The following ASAP1 variants were observed in gnomAD, a reference collection of about 807,000 sequenced individuals.
The protein encoded by ASAP1 is arf-GAP with SH3 domain, ANK repeat and PH domain-containing protein 1.
Under a neutral mutation model 145.2 loss-of-function variants are expected in ASAP1, and 43 were observed. That is an observed-to-expected ratio of 0.30 (90% CI 0.23 to 0.38). The LOEUF is 0.38. Among genes scored for constraint, ASAP1 ranks in the 10% least tolerant of loss-of-function variants. The pLI is 1.00. For missense variants in ASAP1, 1,018 were observed against 1,355.3 expected (o/e 0.75, Z 3.91); for synonymous variants, 546 against 515.5 (o/e 1.06, Z -0.80).
rs564405657 is a variant in ASAP1, at chr8:130,256,205, G to C, written c.187-19211C>G. On this transcript the variant is annotated intron_variant, in intron 3 of 29. Transcript: ENST00000518721. ...AATCTTCCTGTTCGCAAGAGTTGAT[G>C]AAGTTTTCTATAAATTAAACCTTTT... Among the ~76,000 whole-genome samples the C allele has an allele frequency of 9.2e-5, 14 of 152,292 alleles. No homozygotes were observed. The South Asian group carries it at 2.9e-3, about 32-fold the overall frequency.
At chr8:130,419,957 T>TC (rs912955463) in intron 1 of ASAP1, among the ~76,000 whole-genome samples, 12 of 132,326 alleles carry the variant, frequency 9.1e-5, no homozygotes, top group African/African-American at 3.7e-4. Flanking sequence ...TTCTTCTTCT[T>TC]TTTTTTTTTT....
At chr8:130,105,639 T>C (rs34303787) in intron 24 of ASAP1, among the ~76,000 whole-genome samples, 8,627 of 152,280 alleles carry the variant, frequency 0.057, 285 homozygotes, top group Admixed American at 0.1. Flanking sequence ...CTTAAGTTAA[T>C]TACTTTAAAA....
At chr8:130,250,550 G>C (rs1186978699) in intron 3 of ASAP1, among the ~76,000 whole-genome samples, 1 of 152,154 alleles carries the variant, frequency 6.6e-6, no homozygotes, top group Non-Finnish European at 1.5e-5. Context: ...CTTCAATTAT[G>C]AGTTTAGACC....
intron 23 of ASAP1, 83 bp from the exon 24 acceptor site, chr8:130,112,405 G>T: frequency 8.3e-7 from 1 of 1,211,720 alleles, no homozygotes; most frequent in Non-Finnish European, 1.2e-6. Flanking sequence ...GCGGGCTCAG[G>T]TGGGAATCTG....
rs1586609077 is a variant in ASAP1 at position 130,214,794 on chromosome 8, T to C, written c.260-93A>G. The C allele has an allele frequency of 6.3e-6, 7 of 1,104,438 alleles. No individual in the cohort carries two copies. In the East Asian group the frequency reaches 1.7e-4, roughly 27 times the overall value. 68.4% of individuals were successfully genotyped at this position (1,104,438 alleles called of 1,614,324 possible). A position where few individuals can be genotyped will look rare whatever the true frequency, so the allele number is the denominator to read the frequency against. Reference sequence around the variant, plus strand: ...CACCGATCACTACGAATTCTCAAAATGGAAGCATAAACTGTATCAATTATT... The same window carrying C: ...CACCGATCACTACGAATTCTCAAAACGGAAGCATAAACTGTATCAATTATT... On this transcript the variant is annotated intron_variant, in intron 4 of 29. Transcript: ENST00000518721.
At chr8:130,371,455 C>T (rs1827209963) in intron 2 of ASAP1, among the ~76,000 whole-genome samples, 1 of 152,196 alleles carries the variant, frequency 6.6e-6, no homozygotes, top group Non-Finnish European at 1.5e-5. Flanking sequence ...CAGTTTGATT[C>T]GGGGCAGCAA....
intron 3 of ASAP1, among the ~76,000 whole-genome samples, chr8:130,256,640 A>C (rs926527951): frequency 6.6e-6 from 1 of 151,214 alleles, no homozygotes; most frequent in Admixed American, 6.6e-5. Flanking sequence ...TTAGAAGCTA[A>C]GTATGTAGTA....
chr8:130,387,181 TCCTAACACTCTGGATGAC>T (rs1459087888), intron 2 of ASAP1, among the ~76,000 whole-genome samples: 1 of 151,980 alleles, frequency 6.6e-6, no homozygotes, highest in African/African-American at 2.4e-5. Flanking sequence ...TCTCAGTAAA[TCCTAACACTCTGGATGAC>T]CCAGGAAGAA....
intron 3 of ASAP1, among the ~76,000 whole-genome samples, chr8:130,344,335 G>A (rs564369481): frequency 3.3e-5 from 5 of 152,150 alleles, no homozygotes; most frequent in African/African-American, 9.6e-5. Flanking sequence ...TAATGACACC[G>A]AGGAAGTGTT....
rs548953847 is a variant in ASAP1, at chr8:130,195,816, C to A, written c.406-7633G>T. Among the ~76,000 whole-genome samples, 34 of 152,304 alleles carry A rather than the reference C, an allele frequency of 2.2e-4. No homozygotes were observed. In the East Asian group the frequency reaches 6.0e-3, roughly 27 times the overall value. ...ACACTGCCAGCAGTATACAAATAGC[C>A]CGTTATCCTAGTCACTGGAGATGAC... On this transcript the variant is annotated intron_variant, in intron 5 of 29. Transcript: ENST00000518721.
intron 3 of ASAP1, among the ~76,000 whole-genome samples, chr8:130,264,720 C>A (rs1484146738): frequency 6.6e-6 from 1 of 152,102 alleles, no homozygotes; most frequent in Admixed American, 6.5e-5. Flanking sequence ...TGAATATGAA[C>A]ATGAGAAAGG....
At chr8:130,181,480 A>C (rs959315187) in intron 7 of ASAP1, among the ~76,000 whole-genome samples, 1 of 152,260 alleles carries the variant, frequency 6.6e-6, no homozygotes, top group Admixed American at 6.5e-5. Context: ...AAATAATTAA[A>C]GTATATAATG....
intron 13 of ASAP1, among the ~76,000 whole-genome samples, chr8:130,143,758 G>A (rs1389897471): frequency 2.0e-5 from 3 of 152,130 alleles, no homozygotes; most frequent in Admixed American, 6.6e-5. Flanking sequence ...AATAAACACC[G>A]CACATTTGTC....
chr8:130,290,521 C>A (rs979225140), intron 3 of ASAP1, among the ~76,000 whole-genome samples: 17 of 152,182 alleles, frequency 1.1e-4, no homozygotes, highest in African/African-American at 4.1e-4. Flanking sequence ...TGAACCAGGG[C>A]TATTATGGTG....
At chr8:130,155,638 C>T (rs942942085) in intron 12 of ASAP1, among the ~76,000 whole-genome samples, 4 of 152,216 alleles carry the variant, frequency 2.6e-5, no homozygotes, top group Admixed American at 1.3e-4. Flanking sequence ...TGAGCCACTG[C>T]GCCCAGCCAG....
At chr8:130,277,358 C>T (rs1166572855) in intron 3 of ASAP1, among the ~76,000 whole-genome samples, 1 of 152,178 alleles carries the variant, frequency 6.6e-6, no homozygotes, top group Non-Finnish European at 1.5e-5. Flanking sequence ...ATAAGCCATA[C>T]TAGTTCTTCA....
intron 25 of ASAP1, among the ~76,000 whole-genome samples, chr8:130,088,847 A>G (rs926628625): frequency 2.0e-5 from 3 of 152,172 alleles, no homozygotes; most frequent in African/African-American, 7.2e-5. Context: ...TTTAATCTTC[A>G]TAACTCCATA....
intron 25 of ASAP1, among the ~76,000 whole-genome samples, chr8:130,091,312 G>A (rs1027444276): frequency 1.3e-5 from 2 of 152,188 alleles, no homozygotes; most frequent in African/African-American, 2.4e-5. Flanking sequence ...AGGAAGCTGC[G>A]TTGGAGGGCG....
chr8:130,127,832 A>T (rs534779342), intron 16 of ASAP1, 95 bp downstream of exon 16: 1 of 1,407,434 alleles, frequency 7.1e-7, no homozygotes, highest in Non-Finnish European at 9.7e-7. Flanking sequence ...GAGTGTGTCC[A>T]TAGGGGTTAA....
Sources: allele counts gnomAD v4.1 joint callset (sites outside exome capture counted in the v4.1 genomes callset), GRCh38; gene constraint gnomAD v4.1.1; transcripts MANE v1.5; gene names NCBI Gene and HGNC (gene_info 2026-07-23, HGNC 2026-07-21).